The following CSGALNACT1 variants were observed in gnomAD, a reference collection of about 807,000 sequenced individuals.
CSGALNACT1 encodes beta4GalNAcT-1.
Under a neutral mutation model 51.0 loss-of-function variants are expected in CSGALNACT1, and 52 were observed. The observed-to-expected ratio is 1.02, with a 90% CI of 0.82 to 1.29. CSGALNACT1 has a LOEUF of 1.29. Ranked by LOEUF, CSGALNACT1 falls within the 50% of genes most tolerant of loss-of-function variation. The probability of loss-of-function intolerance (pLI) is 0.00; values close to 1 mark genes in which losing one functional copy is unlikely to be tolerated. For missense variants in CSGALNACT1, 935 were observed against 679.2 expected (o/e 1.38, Z -4.19); for synonymous variants, 341 against 254.4 (o/e 1.34, Z -3.24).
chr8:19,504,858 C>T lies in CSGALNACT1; in HGVS notation c.634+343G>A, dbSNP rs904570913. Among the ~76,000 whole-genome samples, 7 of 152,286 alleles carry T rather than the reference C, an allele frequency of 4.6e-5. No individual in the cohort carries two copies. The East Asian group carries it at 1.2e-3, about 25-fold the overall frequency. On this transcript the variant is annotated intron_variant, in intron 4 of 9. Coordinates refer to ENST00000454498, the Ensembl canonical transcript of CSGALNACT1. The stretch of plus-strand genomic sequence containing the variant: ...TGTTATTATTCTGTTCATGAGCTTG[C>T]TAACCAAGCTCAGTTACTAGAAGTG...
At chr8:19,601,101 T>G (rs1332286277) in intron 2 of CSGALNACT1, among the ~76,000 whole-genome samples, 1 of 152,206 alleles carries the variant, frequency 6.6e-6, no homozygotes, top group African/African-American at 2.4e-5. Flanking sequence ...AAGTTTAGTC[T>G]TATCAGATGT....
At chr8:19,427,596 G>T (rs1012317180) in intron 6 of CSGALNACT1, among the ~76,000 whole-genome samples, 25 of 152,062 alleles carry the variant, frequency 1.6e-4, no homozygotes, top group African/African-American at 5.1e-4. Context: ...AGACCATCCT[G>T]GCTAACACGG....
At chr8:19,572,523 T>A (rs1055429433) in intron 3 of CSGALNACT1, among the ~76,000 whole-genome samples, 1 of 152,232 alleles carries the variant, frequency 6.6e-6, no homozygotes, top group African/African-American at 2.4e-5. Flanking sequence ...AGGGAAAGGC[T>A]TCCTTGGCCA....
upstream of CSGALNACT1, among the ~76,000 whole-genome samples, chr8:19,607,106 G>A (rs781544484): frequency 6.6e-6 from 1 of 151,096 alleles, no homozygotes; most frequent in Non-Finnish European, 1.5e-5. Flanking sequence ...AGCGAGCTGA[G>A]AACGCGCCAC....
At chr8:19,547,340 C>T (rs950683022) in intron 3 of CSGALNACT1, among the ~76,000 whole-genome samples, 4 of 152,196 alleles carry the variant, frequency 2.6e-5, no homozygotes, top group Non-Finnish European at 5.9e-5. Context: ...TTGTGAATGA[C>T]ATGGCTTGGC....
At chr8:19,513,436 C>CTCTCTCTCTAGATA in intron 3 of CSGALNACT1, among the ~76,000 whole-genome samples, 1 of 81,974 alleles carries the variant, frequency 1.2e-5, no homozygotes, top group South Asian at 4.3e-4. Flanking sequence ...CTCTCTCTCT[C>CTCTCTCTCTAGATA]TATATATATA....
At position 19,499,620 on chromosome 8, in the gene CSGALNACT1, C is replaced by T. The variant is rs76463342; in HGVS notation, c.634+5581G>A. On this transcript the variant is annotated intron_variant, in intron 4 of 9. Coordinates refer to ENST00000454498, the Ensembl canonical transcript of CSGALNACT1. Reference sequence around the variant, plus strand: ...CTCTGTGCAGAGGCTCCATCTGCCCCAGTCCATGGTCAAAAGAGCTGGTCC... The same window carrying T: ...CTCTGTGCAGAGGCTCCATCTGCCCTAGTCCATGGTCAAAAGAGCTGGTCC... Among the ~76,000 whole-genome samples the T allele has an allele frequency of 6.3e-3, 966 of 152,320 alleles. 11 individuals are homozygous for T. The highest frequency in any genetic ancestry group is 0.022 in the African/African-American group (934 of 41,562).
At chr8:19,629,271 G>C (rs1292730750) in intron 1 of CSGALNACT1, among the ~76,000 whole-genome samples, 1 of 152,190 alleles carries the variant, frequency 6.6e-6, no homozygotes, top group African/African-American at 2.4e-5. Flanking sequence ...GGACAGATTA[G>C]ACTTTCTTCT....
chr8:19,620,513 G>A (rs1020090380), intron 1 of CSGALNACT1, among the ~76,000 whole-genome samples: 2 of 150,626 alleles, frequency 1.3e-5, no homozygotes, highest in African/African-American at 2.4e-5. Context: ...GGTCACTGCT[G>A]TCTCCACCTC....
intron 4 of CSGALNACT1, among the ~76,000 whole-genome samples, chr8:19,485,759 CTTTTTTTTTTTTTT>C (rs386412239): frequency 1.3e-4 from 5 of 38,520 alleles, no homozygotes; most frequent in African/African-American, 4.0e-4. Flanking sequence ...CCTCAGCTTG[CTTTTTTTTTTTTTT>C]TTTTTTTTTT....
intron 1 of CSGALNACT1, among the ~76,000 whole-genome samples, chr8:19,745,991 G>A (rs1266125814): frequency 6.6e-6 from 1 of 152,164 alleles, no homozygotes; most frequent in Non-Finnish European, 1.5e-5. Flanking sequence ...GGTTTGCTCA[G>A]ACTTGGTGAT....
intron 4 of CSGALNACT1, among the ~76,000 whole-genome samples, chr8:19,463,020 T>C (rs918012959): frequency 1.3e-5 from 2 of 152,208 alleles, no homozygotes; most frequent in African/African-American, 4.8e-5. Context: ...GTTCCCTTCA[T>C]TGTGCCCATG....
chr8:19,665,113 A>C (rs2059082445), intron 1 of CSGALNACT1, among the ~76,000 whole-genome samples: 1 of 152,216 alleles, frequency 6.6e-6, no homozygotes, highest in Non-Finnish European at 1.5e-5. Flanking sequence ...TCCCAAGTTC[A>C]AGCGATTCTT....
chr8:19,519,446 G>C lies in CSGALNACT1; in HGVS notation c.-296-13316C>G, dbSNP rs530201404. On this transcript the variant is annotated intron_variant, in intron 3 of 9. Transcript: ENST00000454498. ...TAGACAGAGCTTTTCAATATACAGAGAATTAAACAACACCAGCACAGGGGA... is the reference window on the plus strand; with the variant it reads ...TAGACAGAGCTTTTCAATATACAGACAATTAAACAACACCAGCACAGGGGA... 1.5e-4 allele frequency among the ~76,000 whole-genome samples: 23 copies of C among 152,240 alleles called. 1 individual carries two copies. The South Asian group carries it at 4.1e-3, about 27-fold the overall frequency.
intron 5 of CSGALNACT1, among the ~76,000 whole-genome samples, chr8:19,449,002 C>G (rs1050490598): frequency 2.0e-5 from 3 of 152,046 alleles, no homozygotes; most frequent in Non-Finnish European, 4.4e-5. Context: ...ATCTCCCCTC[C>G]CCTGTGTCGA....
At chr8:19,607,896 T>C (rs930193476) in intron 1 of CSGALNACT1, among the ~76,000 whole-genome samples, 3 of 152,196 alleles carry the variant, frequency 2.0e-5, no homozygotes, top group Admixed American at 6.5e-5. Context: ...ATGTTACAGA[T>C]GGTAATAAGC....
intron 6 of CSGALNACT1, among the ~76,000 whole-genome samples, chr8:19,423,586 G>A (rs2058294656): frequency 6.6e-6 from 1 of 152,138 alleles, no homozygotes; most frequent in Admixed American, 6.5e-5. Flanking sequence ...TCATAGTCAT[G>A]GGAAAAGGGG....
intron 1 of CSGALNACT1, among the ~76,000 whole-genome samples, chr8:19,740,617 A>G (rs1176208750): frequency 1.3e-5 from 2 of 152,222 alleles, no homozygotes; most frequent in African/African-American, 4.8e-5. Flanking sequence ...GTTATATAAT[A>G]TATCTTGAAG....
At chr8:19,756,397 C>T (rs1458040093) in intron 1 of CSGALNACT1, among the ~76,000 whole-genome samples, 1 of 152,212 alleles carries the variant, frequency 6.6e-6, no homozygotes, top group East Asian at 1.9e-4. Flanking sequence ...TTTCCCGAGG[C>T]TCACTGTTTT....
Sources: allele counts gnomAD v4.1 joint callset (sites outside exome capture counted in the v4.1 genomes callset), GRCh38; gene constraint gnomAD v4.1.1; transcripts MANE v1.5; gene names NCBI Gene and HGNC (gene_info 2026-07-23, HGNC 2026-07-21).